AKT3: variants seen among roughly 807,000 people sequenced by gnomAD.
The protein encoded by AKT3 is RAC-gamma serine/threonine-protein kinase.
AKT3 carries 15 observed loss-of-function variants against 65.3 expected under a neutral mutation model. That is an observed-to-expected ratio of 0.23 (90% confidence interval 0.15 to 0.35). The LOEUF is 0.35. AKT3 is among the 10% of genes least tolerant of loss of function. The pLI, the probability that AKT3 is intolerant of heterozygous loss-of-function variation, is 1.00. For missense variants in AKT3, 243 were observed against 576.5 expected (o/e 0.42, Z 5.92); for synonymous variants, 206 against 183.8 (o/e 1.12, Z -0.98).
chr1:243,692,141 T>C (rs1007344252), intron 3 of AKT3, among the ~76,000 whole-genome samples: 3 of 152,120 alleles, frequency 2.0e-5, no homozygotes, highest in African/African-American at 4.8e-5. Context: ...ACCTTAGCAT[T>C]TGAGAAAACA....
chr1:243,615,596 A>C (rs985447549), intron 6 of AKT3, among the ~76,000 whole-genome samples: 2 of 152,200 alleles, frequency 1.3e-5, no homozygotes, highest in Non-Finnish European at 2.9e-5. Flanking sequence ...CAAAGAATTT[A>C]AAAGTCTCCT....
At chr1:243,563,651 T>G in intron 10 of AKT3, 69 bp downstream of exon 10, 1 of 1,509,300 alleles carries the variant, frequency 6.6e-7, no homozygotes, top group Non-Finnish European at 8.8e-7. Context: ...TAACTTTTAA[T>G]GCTTAAATGG....
intron 9 of AKT3, among the ~76,000 whole-genome samples, chr1:243,565,305 C>G (rs1288983418): frequency 1.3e-5 from 2 of 152,212 alleles, no homozygotes; most frequent in East Asian, 3.8e-4. Flanking sequence ...AATCACAGCT[C>G]ACCACAACCT....
At chr1:243,838,231 T>C (rs1211000070) in intron 2 of AKT3, among the ~76,000 whole-genome samples, 5 of 152,282 alleles carry the variant, frequency 3.3e-5, no homozygotes, top group African/African-American at 1.2e-4. Context: ...GTATTGTAAA[T>C]ACATTAGTTA....
intron 2 of AKT3, among the ~76,000 whole-genome samples, chr1:243,758,863 T>C (rs1572291517): frequency 6.6e-6 from 1 of 152,180 alleles, no homozygotes; most frequent in Admixed American, 6.5e-5. Context: ...GGACCAGTAC[T>C]TGTCCACAGG....
At chr1:243,570,740 T>A (rs1469033800) in intron 9 of AKT3, among the ~76,000 whole-genome samples, 1 of 152,202 alleles carries the variant, frequency 6.6e-6, no homozygotes, top group African/African-American at 2.4e-5. Flanking sequence ...TTTTGGATGT[T>A]TGATTTCTTA....
intron 2 of AKT3, among the ~76,000 whole-genome samples, chr1:243,724,113 A>C (rs1352748337): frequency 7.2e-5 from 11 of 152,098 alleles, no homozygotes; most frequent in Admixed American, 7.2e-4. Context: ...TGCTTTTCTG[A>C]GCCACTGTAA....
At chr1:243,830,228 A>T (rs6429439) in intron 2 of AKT3, among the ~76,000 whole-genome samples, 126,474 of 152,170 alleles carry the variant, frequency 0.83, 52,726 homozygotes, top group Non-Finnish European at 0.86. Flanking sequence ...GGATTAGGTA[A>T]TGTAAGTAAT....
chr1:243,563,828 G>A lies in AKT3; in HGVS notation c.840C>T (p.Asp280=), dbSNP rs201347487. ...RDLKLENLML[D]KDGHIKITDF... ...CTGTAATTTTTATGTGGCCATCTTTGTCCAGCATTAGATTCTCCAACTGTG... is the reference window on the plus strand; with the variant it reads ...CTGTAATTTTTATGTGGCCATCTTTATCCAGCATTAGATTCTCCAACTGTG... The change falls in exon 10 of 14, where the codon GAC becomes GAT. Residue 280 remains aspartate (D), a synonymous_variant. Coordinates refer to ENST00000673466, the MANE Select transcript of AKT3 (RefSeq NM_005465.7). The A allele has an allele frequency of 7.9e-5, 127 of 1,612,176 alleles. 1 individual carries two copies. In the Middle Eastern group the frequency reaches 8.3e-4, roughly 10 times the overall value.
At chr1:243,608,600 C>T (rs1040277218) in intron 8 of AKT3, among the ~76,000 whole-genome samples, 2 of 152,074 alleles carry the variant, frequency 1.3e-5, no homozygotes, top group South Asian at 2.1e-4. Flanking sequence ...ACAGATCCTA[C>T]CCCACTGGCT....
At chr1:243,709,622 T>C (rs1312607992) in intron 2 of AKT3, among the ~76,000 whole-genome samples, 1 of 151,990 alleles carries the variant, frequency 6.6e-6, no homozygotes, top group Non-Finnish European at 1.5e-5. Context: ...TAAATTCTAT[T>C]TAAAATCCTT....
intron 3 of AKT3, among the ~76,000 whole-genome samples, chr1:243,689,404 T>G (rs1008186330): frequency 6.6e-6 from 1 of 151,874 alleles, no homozygotes; most frequent in Admixed American, 6.6e-5. Context: ...TCCCCATGTA[T>G]GTCCACTAGA....
intron 2 of AKT3, among the ~76,000 whole-genome samples, chr1:243,699,075 T>C (rs746324008): frequency 1.9e-4 from 29 of 152,240 alleles, no homozygotes; most frequent in Non-Finnish European, 3.1e-4. Context: ...TGTTCTAAAA[T>C]ATGGACAGAA....
intron 2 of AKT3, among the ~76,000 whole-genome samples, chr1:243,711,139 T>C (rs923399743): frequency 2.6e-5 from 4 of 152,058 alleles, no homozygotes; most frequent in Non-Finnish European, 5.9e-5. Flanking sequence ...GCCAACAAAG[T>C]GAAACCCCGT....
At chr1:243,756,562 T>C (rs1689153725) in intron 2 of AKT3, among the ~76,000 whole-genome samples, 1 of 152,354 alleles carries the variant, frequency 6.6e-6, no homozygotes, top group East Asian at 1.9e-4. Context: ...TGAGCCCATA[T>C]TGATAAAAAT....
intron 6 of AKT3, among the ~76,000 whole-genome samples, chr1:243,622,320 G>C (rs907595874): frequency 6.6e-6 from 1 of 152,134 alleles, no homozygotes; most frequent in East Asian, 1.9e-4. Context: ...GCCTTCCATA[G>C]TCATGCTATT....
intron 8 of AKT3, among the ~76,000 whole-genome samples, chr1:243,601,695 T>C (rs1187430768): frequency 6.6e-6 from 1 of 152,136 alleles, no homozygotes; most frequent in African/African-American, 2.4e-5. Flanking sequence ...TATAAACATA[T>C]GACTGTACAT....
intron 3 of AKT3, among the ~76,000 whole-genome samples, chr1:243,679,741 T>C (rs953197929): frequency 6.6e-6 from 1 of 152,128 alleles, no homozygotes; most frequent in Non-Finnish European, 1.5e-5. Flanking sequence ...GGCTTGTCAG[T>C]CTAAGCCAAC....
At chr1:243,811,865 C>A (rs1160511654) in intron 2 of AKT3, among the ~76,000 whole-genome samples, 3 of 152,232 alleles carry the variant, frequency 2.0e-5, no homozygotes, top group Non-Finnish European at 2.9e-5. Flanking sequence ...AGAAATAATA[C>A]CACACGTCTA....
Sources: gnomAD v4.1 joint callset for allele counts (sites outside exome capture counted in the v4.1 genomes callset) on GRCh38, gnomAD v4.1.1 for gene constraint, MANE v1.5 for transcripts, NCBI Gene and HGNC (gene_info 2026-07-23, HGNC 2026-07-21) for gene names.